Variants in KYAT1 observed in about 807,000 individuals in gnomAD.
The protein encoded by KYAT1 is kynurenine--oxoglutarate transaminase 1.
A neutral mutation model predicts 52.4 loss-of-function variants in KYAT1; 47 were observed. The observed-to-expected ratio is 0.90, with a 90% CI of 0.71 to 1.14. The LOEUF (loss-of-function observed/expected upper bound fraction) is 1.14, where lower values mean the gene tolerates loss of function less well. Ranked by LOEUF, KYAT1 falls within the 50% of genes most tolerant of loss-of-function variation. The pLI, the probability that KYAT1 is intolerant of heterozygous loss-of-function variation, is 0.00. For synonymous variants in KYAT1, 212 were observed against 209.6 expected (o/e 1.01, Z -0.10); for missense variants, 480 against 557.9 (o/e 0.86, Z 1.41).
intron 3 of KYAT1, among the ~76,000 whole-genome samples, chr9:128,839,184 G>A (rs933767346): frequency 2.6e-5 from 4 of 151,886 alleles, no homozygotes; most frequent in Non-Finnish European, 5.9e-5. Context: ...GACTGGTTTC[G>A]AACTTCTGAC....
chr9:128,843,642 A>C (rs1191146804), intron 2 of KYAT1, among the ~76,000 whole-genome samples: 1 of 152,086 alleles, frequency 6.6e-6, no homozygotes, highest in Non-Finnish European at 1.5e-5. Flanking sequence ...TTGGCCTCTC[A>C]AAGTGCTAGC....
intron 1 of KYAT1, chr9:128,846,939 T>C (rs1027364787): frequency 1.6e-6 from 2 of 1,250,758 alleles, no homozygotes; most frequent in South Asian, 2.9e-5. Context: ...TCACTAGAGG[T>C]GCCACAATAG....
intron 3 of KYAT1, among the ~76,000 whole-genome samples, chr9:128,841,771 C>CA (rs1832234149): frequency 6.6e-6 from 1 of 150,544 alleles, no homozygotes; most frequent in Non-Finnish European, 1.5e-5. Flanking sequence ...GCCGAGGTGG[C>CA]AGGATCACTT....
In KYAT1 at chr9:128,836,827, G is replaced by A. The variant is rs752346815; in HGVS notation, c.663C>T (p.Tyr221=). The A allele has an allele frequency of 1.7e-5, 27 of 1,613,764 alleles. No individual in the cohort carries two copies. Among genetic ancestry groups the A allele is most frequent in the African/African-American group, 5.3e-5 (4 of 74,906 alleles). The part of the protein sequence containing the change: ...ITDEVYQWMV[Y]DGHQHISIAS... Reference sequence around the variant, plus strand: ...CAATGCTGATGTGCTGGTGCCCGTCGTAGACCATCCACTGGTAGACTTCAT... The same window carrying A: ...CAATGCTGATGTGCTGGTGCCCGTCATAGACCATCCACTGGTAGACTTCAT... The change falls in exon 7 of 13, where the codon TAC becomes TAT. Residue 221 remains tyrosine, a synonymous_variant. Transcript: ENST00000302586.
chr9:128,882,102 C>A (rs534551682), upstream of KYAT1: 2 of 152,260 alleles, frequency 1.3e-5, no homozygotes, highest in Non-Finnish European at 2.9e-5. Context: ...TCGCGCCCGG[C>A]GGTGACGTCA....
At chr9:128,856,396 C>T (rs1272192370) in intron 1 of KYAT1, among the ~76,000 whole-genome samples, 1 of 152,046 alleles carries the variant, frequency 6.6e-6, no homozygotes, top group Non-Finnish European at 1.5e-5. Flanking sequence ...AGACAGCAAC[C>T]AGCGAAAACA....
At chr9:128,872,060 G>C (rs1034004174) in intron 1 of KYAT1, among the ~76,000 whole-genome samples, 5 of 151,150 alleles carry the variant, frequency 3.3e-5, no homozygotes, top group African/African-American at 1.2e-4. Flanking sequence ...ACTGGGAGGC[G>C]GAGGTTGCAG....
chr9:128,859,622 A>T (rs1195688811), intron 1 of KYAT1, among the ~76,000 whole-genome samples: 1 of 150,198 alleles, frequency 6.7e-6, no homozygotes, highest in Non-Finnish European at 1.5e-5. Flanking sequence ...GTGAGCCGAG[A>T]TCGTGCTGGT....
intron 1 of KYAT1, among the ~76,000 whole-genome samples, chr9:128,858,219 A>T (rs1456185222): frequency 6.6e-6 from 1 of 151,058 alleles, no homozygotes; most frequent in Non-Finnish European, 1.5e-5. Flanking sequence ...CAACACGACA[A>T]AACCCCATCT....
chr9:128,836,302 GTTTT>G (rs71497420), intron 7 of KYAT1, among the ~76,000 whole-genome samples: 1 of 93,056 alleles, frequency 1.1e-5, no homozygotes, highest in Non-Finnish European at 2.0e-5. Context: ...TTCTTTCTTT[GTTTT>G]TTTTTTTTTT....
chr9:128,850,654 C>A (rs1833837876), intron 1 of KYAT1, among the ~76,000 whole-genome samples: 1 of 152,160 alleles, frequency 6.6e-6, no homozygotes, highest in Non-Finnish European at 1.5e-5. Context: ...CGTCCCCCAG[C>A]CCAACACCTG....
chr9:128,875,124 CCT>C (rs1200984862), intron 1 of KYAT1, among the ~76,000 whole-genome samples: 2 of 152,234 alleles, frequency 1.3e-5, no homozygotes, highest in East Asian at 3.8e-4. Context: ...GATAAGTTTG[CCT>C]TCAAGAAGTT....
Position 128,833,771 on chromosome 9 carries a change from A to G in KYAT1, c.1178T>C (p.Phe393Ser), listed in dbSNP as rs1830518242. ...AAAACAGAAGCGGATATAGTGGTCA[A>G]AGTGCTTCTGATGTGGCACACTATA... ...IFYSVPHQKHFDHYIRFCFVK... is the reference protein window; with the variant it reads ...IFYSVPHQKHSDHYIRFCFVK... Residue 393 changes from phenylalanine (F) to serine (S), a missense_variant, in exon 12 of 13, where the codon TTT becomes TCT. Phe to Ser is a radical substitution (Grantham distance 155). Coordinates refer to ENST00000302586, the MANE Select transcript of KYAT1 (RefSeq NM_004059.5). The G allele has an allele frequency of 6.2e-7, 1 of 1,614,252 alleles. No homozygotes were observed. The highest frequency in any genetic ancestry group is 8.5e-7 in the Non-Finnish European group (1 of 1,180,040).
intron 1 of KYAT1, among the ~76,000 whole-genome samples, chr9:128,860,683 A>G (rs1338224596): frequency 6.6e-6 from 1 of 150,532 alleles, no homozygotes; most frequent in Non-Finnish European, 1.5e-5. Flanking sequence ...CTCCTGCCTC[A>G]GCCTAAGTAA....
chr9:128,837,734 G>A lies in KYAT1; in HGVS notation c.518C>T (p.Ser173Leu). The A allele has an allele frequency of 2.5e-6, 4 of 1,614,154 alleles. No homozygotes were observed. The highest frequency in any genetic ancestry group is 3.4e-6 in the Non-Finnish European group (4 of 1,180,012). The stretch of plus-strand genomic sequence containing the variant: ...GTTGAGGACCAGGGCTTTGGTGCGT[G>A]ATGTGAATTTGCCGGCCAGCTCCAT... ...DPMELAGKFT[S>L]RTKALVLNTP... Residue 173 changes from serine (S) to leucine (L), a missense_variant, in exon 6 of 13, where the codon TCA becomes TTA. By Grantham distance (145) the Ser-to-Leu change is moderately radical (BLOSUM62 -2). Transcript: ENST00000302586.
Position 128,835,542 on chromosome 9 carries a change from C to T in KYAT1, c.981G>A (p.Val327=), listed in dbSNP as rs753733096. 6.2e-7 allele frequency: 1 copy of T among 1,613,750 alleles called. No homozygotes were observed. The highest frequency in any genetic ancestry group is 1.7e-5 in the Admixed American group (1 of 60,024). ...CCTGAGGGATGATGGGCTTCAGGCCCACTGACTGTAGGCTACGTATCATGT... is the reference window on the plus strand; with the variant it reads ...CCTGAGGGATGATGGGCTTCAGGCCTACTGACTGTAGGCTACGTATCATGT... ...RDHMIRSLQS[V]GLKPIIPQGS... is the part of the protein sequence containing the mutation. Residue 327 remains valine, a synonymous_variant, in exon 10 of 13, where the codon GTG becomes GTA. Coordinates refer to ENST00000302586, the MANE Select transcript of KYAT1 (RefSeq NM_004059.5).
intron 1 of KYAT1, among the ~76,000 whole-genome samples, chr9:128,878,810 A>G (rs1397314565): frequency 1.3e-5 from 2 of 152,146 alleles, no homozygotes; most frequent in African/African-American, 2.4e-5. Context: ...AGATTCAAAA[A>G]CCACAATCTC....
intron 1 of KYAT1, among the ~76,000 whole-genome samples, chr9:128,873,074 TAAAAAAAA>T (rs549497155): frequency 8.4e-6 from 1 of 118,722 alleles, no homozygotes; most frequent in South Asian, 2.8e-4. Context: ...AGACTCCATT[TAAAAAAAA>T]AAAAAAAAAA....
At chr9:128,833,970 G>C (rs1830557506) in intron 11 of KYAT1, 144 bp from the exon 12 acceptor site, 1 of 651,712 alleles carries the variant, frequency 1.5e-6, no homozygotes, top group African/African-American at 1.8e-5. Flanking sequence ...AAAGTCAGAG[G>C]AACAAGGCCA....
Sources: gnomAD v4.1 joint callset for allele counts (sites outside exome capture counted in the v4.1 genomes callset) on GRCh38, gnomAD v4.1.1 for gene constraint, MANE v1.5 for transcripts, NCBI Gene and HGNC (gene_info 2026-07-23, HGNC 2026-07-21) for gene names.